CCSER1: variants seen among roughly 807,000 people sequenced by gnomAD.
CCSER1 encodes the protein coiled-coil serine rich protein 1.
A neutral mutation model predicts 82.0 loss-of-function variants in CCSER1; 41 were observed. The ratio of observed to expected loss-of-function variants is 0.50; its 90% CI spans 0.39 to 0.65. The LOEUF (loss-of-function observed/expected upper bound fraction) is 0.65. Ranked by LOEUF, CCSER1 falls within the 30% of genes least tolerant of loss-of-function variation. The probability of loss-of-function intolerance (pLI) is 0.00; values close to 1 mark genes in which losing one functional copy is unlikely to be tolerated. For synonymous variants in CCSER1, 414 were observed against 383.9 expected, an observed-to-expected ratio of 1.08 and a Z score of -0.92; for missense variants, 1,119 against 1,064.2, an observed-to-expected ratio of 1.05 and a Z score of -0.72.
intron 10 of CCSER1, among the ~76,000 whole-genome samples, chr4:91,312,305 A>G (rs1395235986): frequency 6.6e-6 from 1 of 151,830 alleles, no homozygotes; most frequent in Non-Finnish European, 1.5e-5. Context: ...GGTATAAAAG[A>G]ATATCAAGGA....
chr4:91,383,043 A>T (rs1392154151), intron 10 of CCSER1, among the ~76,000 whole-genome samples: 1 of 152,018 alleles, frequency 6.6e-6, no homozygotes, highest in African/African-American at 2.4e-5. Flanking sequence ...TAAGATATCT[A>T]CATTTTTAAC....
intron 3 of CCSER1, among the ~76,000 whole-genome samples, chr4:90,359,756 A>G (rs1420309894): frequency 6.7e-5 from 7 of 104,678 alleles, no homozygotes; most frequent in Middle Eastern, 4.4e-3. Context: ...AAAAATAAAT[A>G]AAATAAATAA....
At position 90,942,856 on chromosome 4, in the gene CCSER1, A is replaced by T. The variant is rs188543386; in HGVS notation, c.2172+19409A>T. Among the ~76,000 whole-genome samples, 1,169 of 148,418 alleles carry T rather than the reference A, an allele frequency of 7.9e-3. 9 individuals carry two copies. Among genetic ancestry groups the T allele is most frequent in the African/African-American group, 0.028 (1,138 of 40,904 alleles). On this transcript the variant is annotated intron_variant, in intron 9 of 10. Transcript: ENST00000509176. ...TAGATTTTTTAACTTACCTAAAAAA[A>T]TTATATATATTTAATTAAATATGTA...
intron 10 of CCSER1, among the ~76,000 whole-genome samples, chr4:91,409,672 A>C (rs1752910361): frequency 6.6e-6 from 1 of 152,084 alleles, no homozygotes; most frequent in Non-Finnish European, 1.5e-5. Flanking sequence ...AAAAATACTA[A>C]TTTCTTTGTC....
intron 10 of CCSER1, among the ~76,000 whole-genome samples, chr4:91,491,536 G>A (rs1463807618): frequency 6.6e-6 from 1 of 152,020 alleles, no homozygotes; most frequent in South Asian, 2.1e-4. Flanking sequence ...AGGAATATAT[G>A]CTCAAGATAT....
chr4:91,218,657 G>C (rs531302060), intron 10 of CCSER1, among the ~76,000 whole-genome samples: 3 of 152,196 alleles, frequency 2.0e-5, no homozygotes, highest in Non-Finnish European at 4.4e-5. Context: ...TGTTGTTCTT[G>C]TATACTTAGC....
At chr4:91,112,456 TAC>T (rs770493154) in intron 10 of CCSER1, 6 of 152,136 alleles carry the variant, frequency 3.9e-5, no homozygotes, top group Non-Finnish European at 8.8e-5. Context: ...TAAAAATTTG[TAC>T]AGAGACAGTG....
rs572910669 is a variant in CCSER1, at chr4:91,095,389, T to TG, written c.2217+9402dup. Among the ~76,000 whole-genome samples, 19 of 152,238 alleles carry TG rather than the reference T, an allele frequency of 1.2e-4. No individual in the cohort carries two copies. In the South Asian group the frequency reaches 3.3e-3, roughly 27 times the overall value. ...CTGGAACCCCCCTTTCCCTGCCCTT[T>TG]GGGGGGGATCCCTCTAATTGCCACA... On this transcript the variant is annotated intron_variant, in intron 10 of 10. Transcript: ENST00000509176.
At chr4:91,101,886 T>C (rs1202968380) in intron 10 of CCSER1, among the ~76,000 whole-genome samples, 1 of 152,196 alleles carries the variant, frequency 6.6e-6, no homozygotes, top group Admixed American at 6.5e-5. Flanking sequence ...GATAAGTGGA[T>C]TTGAAGTTGA....
chr4:91,345,821 G>A (rs1218259437), intron 10 of CCSER1, among the ~76,000 whole-genome samples: 1 of 151,970 alleles, frequency 6.6e-6, no homozygotes, highest in Non-Finnish European at 1.5e-5. Context: ...AAATTGCCCT[G>A]TGCTCTCCTA....
intron 10 of CCSER1, among the ~76,000 whole-genome samples, chr4:91,530,830 G>A (rs1002642585): frequency 1.1e-4 from 17 of 151,880 alleles, no homozygotes; most frequent in Non-Finnish European, 7.4e-5. Flanking sequence ...TGGGATTACA[G>A]GCATGCGCCA....
intron 6 of CCSER1, among the ~76,000 whole-genome samples, chr4:90,667,908 C>T (rs552659798): frequency 6.6e-6 from 1 of 152,104 alleles, no homozygotes; most frequent in Non-Finnish European, 1.5e-5. Context: ...GACTGAAAAT[C>T]TATGCTAAAC....
At chr4:91,005,106 C>A (rs928948761) in intron 9 of CCSER1, among the ~76,000 whole-genome samples, 1 of 152,122 alleles carries the variant, frequency 6.6e-6, no homozygotes, top group Non-Finnish European at 1.5e-5. Context: ...TCTGGCATCA[C>A]CCTAGGAAAT....
At chr4:90,454,228 GTTT>G (rs576058533) in intron 4 of CCSER1, among the ~76,000 whole-genome samples, 4 of 128,846 alleles carry the variant, frequency 3.1e-5, no homozygotes, top group Admixed American at 7.9e-5. Flanking sequence ...TTTGTTTCAT[GTTT>G]TTTTTTTTTT....
chr4:91,278,171 G>A (rs550957332), intron 10 of CCSER1, among the ~76,000 whole-genome samples: 71 of 152,062 alleles, frequency 4.7e-4, no homozygotes, highest in East Asian at 9.6e-4. Context: ...GAAATAATCC[G>A]TAAATGTCTG....
intron 8 of CCSER1, 127 bp downstream of exon 8, chr4:90,815,972 T>A: frequency 1.8e-6 from 1 of 543,888 alleles, no homozygotes; most frequent in East Asian, 3.0e-5. Context: ...AATCCAATGA[T>A]CAGTTTTTAT....
chr4:91,371,383 T>C (rs1750036598), intron 10 of CCSER1, among the ~76,000 whole-genome samples: 1 of 152,124 alleles, frequency 6.6e-6, no homozygotes, highest in Non-Finnish European at 1.5e-5. Flanking sequence ...GTTTTAATTA[T>C]TAGCTCCCAT....
At chr4:91,514,596 T>C (rs1379023791) in intron 10 of CCSER1, among the ~76,000 whole-genome samples, 4 of 150,180 alleles carry the variant, frequency 2.7e-5, no homozygotes, top group African/African-American at 4.9e-5. Flanking sequence ...TTTATACATC[T>C]AGGAGTATTT....
At chr4:90,773,572 C>G (rs76710182) in intron 7 of CCSER1, among the ~76,000 whole-genome samples, 28,299 of 151,994 alleles carry the variant, frequency 0.19, 3,285 homozygotes, top group South Asian at 0.27. Flanking sequence ...ACCTTCCCAC[C>G]TCCTCTCCAG....
Sources: allele counts gnomAD v4.1 joint callset (sites outside exome capture counted in the v4.1 genomes callset), GRCh38; gene constraint gnomAD v4.1.1; transcripts MANE v1.5; gene names NCBI Gene and HGNC (gene_info 2026-07-23, HGNC 2026-07-21).